The following ANK2 variants were observed in gnomAD, a reference collection of about 807,000 sequenced individuals.
The protein encoded by ANK2 is ankyrin 2.
In ANK2, 83 loss-of-function variants were observed where a neutral mutation model predicts 360.5. The observed-to-expected ratio is 0.23, with a 90% CI of 0.19 to 0.28. The LOEUF (loss-of-function observed/expected upper bound fraction) is 0.28. ANK2 is among the 10% of genes least tolerant of loss of function. ANK2 has a pLI of 1.00. For synonymous variants in ANK2, 1,740 were observed against 1,759.5 expected (o/e 0.99, Z 0.28); for missense variants, 4,201 against 4,795.7 (o/e 0.88, Z 3.66).
the ANK2 span, among the ~76,000 whole-genome samples, chr4:112,723,404 C>T: frequency 1.3e-5 from 2 of 152,116 alleles, no homozygotes; most frequent in African/African-American, 4.8e-5. Flanking sequence ...CACTCTGTCA[C>T]CCAGGCTGGA....
chr4:112,977,528 A>G (rs2041822057), intron 2 of ANK2, among the ~76,000 whole-genome samples: 2 of 151,852 alleles, frequency 1.3e-5, no homozygotes, highest in South Asian at 2.1e-4. Context: ...TTTAATAACC[A>G]TGAATAAATA....
At chr4:112,980,847 T>A (rs1268308351) in intron 2 of ANK2, among the ~76,000 whole-genome samples, 1 of 152,244 alleles carries the variant, frequency 6.6e-6, no homozygotes, top group Non-Finnish European at 1.5e-5. Flanking sequence ...GTAATGTTCA[T>A]GTGTCAGAAG....
At chr4:112,732,772 A>G in the ANK2 span, among the ~76,000 whole-genome samples, 5 of 152,180 alleles carry the variant, frequency 3.3e-5, no homozygotes, top group African/African-American at 9.6e-5. Context: ...GCATGAATCT[A>G]TGCTTCTAAA....
At chr4:112,983,886 G>A (rs527413255) in intron 2 of ANK2, among the ~76,000 whole-genome samples, 2 of 152,228 alleles carry the variant, frequency 1.3e-5, no homozygotes, top group African/African-American at 4.8e-5. Context: ...AGGAATTTTA[G>A]ATACTTTGGG....
chr4:112,923,570 A>G (rs1443746688), intron 2 of ANK2, among the ~76,000 whole-genome samples: 3 of 152,170 alleles, frequency 2.0e-5, no homozygotes, highest in Admixed American at 6.5e-5. Flanking sequence ...TTTTGCAAAT[A>G]TGAATTAGAT....
At chr4:113,181,842 A>G (rs1263638577) in intron 2 of ANK2, among the ~76,000 whole-genome samples, 2 of 152,150 alleles carry the variant, frequency 1.3e-5, no homozygotes, top group Non-Finnish European at 2.9e-5. Flanking sequence ...GAGGTTGGGG[A>G]GAGCAGAAAG....
intron 2 of ANK2, among the ~76,000 whole-genome samples, chr4:112,987,608 C>T (rs1578409781): frequency 6.6e-6 from 1 of 152,030 alleles, no homozygotes; most frequent in Non-Finnish European, 1.5e-5. Flanking sequence ...AGGTCATACC[C>T]ACCAACAGGA....
chr4:113,145,840 C>T, intron 1 of ANK2: 2 of 1,288,874 alleles, frequency 1.6e-6, no homozygotes, highest in Non-Finnish European at 2.0e-6. Flanking sequence ...AAGGACGGGC[C>T]CACTGACAGC....
chr4:112,802,603 T>G, the ANK2 span, among the ~76,000 whole-genome samples: 3 of 152,230 alleles, frequency 2.0e-5, no homozygotes, highest in Non-Finnish European at 4.4e-5. Context: ...AACCTTATAT[T>G]GCTATGCTGT....
At chr4:112,862,125 G>A (rs2068295203) in intron 1 of ANK2, among the ~76,000 whole-genome samples, 3 of 152,138 alleles carry the variant, frequency 2.0e-5, no homozygotes, top group Admixed American at 2.0e-4. Flanking sequence ...AATAAAGGAT[G>A]TTAAAGAAAG....
chr4:112,853,187 G>A (rs558417981), intron 1 of ANK2, among the ~76,000 whole-genome samples: 2 of 151,978 alleles, frequency 1.3e-5, no homozygotes, highest in African/African-American at 2.4e-5. Flanking sequence ...TCCTGCCTCC[G>A]CCTCCCAAGT....
At chr4:112,761,252 C>T in the ANK2 span, among the ~76,000 whole-genome samples, 1 of 152,150 alleles carries the variant, frequency 6.6e-6, no homozygotes, top group Non-Finnish European at 1.5e-5. Context: ...GAATTAGAAA[C>T]TGTGCCATTT....
chr4:112,999,534 T>C lies in ANK2; in HGVS notation c.21+95020T>C, dbSNP rs2049863476. Among the ~76,000 whole-genome samples, 4 of 152,282 alleles carry C rather than the reference T, an allele frequency of 2.6e-5. No individual in the cohort carries two copies. The South Asian group carries it at 8.3e-4, about 32-fold the overall frequency. On this transcript the variant is annotated intron_variant, in intron 2 of 30. Transcript: ENST00000503271. The stretch of plus-strand genomic sequence containing the variant: ...AATTCCTGAAGTGTATATATACTTT[T>C]GAAATATTTTGTGCTTTTATAAGCT...
intron 26 of ANK2, among the ~76,000 whole-genome samples, chr4:113,320,873 C>G (rs1351002949): frequency 6.6e-6 from 1 of 152,152 alleles, no homozygotes; most frequent in Non-Finnish European, 1.5e-5. Context: ...TTTATTTCTT[C>G]CATTCACTTA....
intron 26 of ANK2, chr4:113,323,939 T>A (rs1428251927): frequency 1.6e-6 from 1 of 633,102 alleles, no homozygotes; most frequent in African/African-American, 1.9e-5. Flanking sequence ...GTTCTCCAAA[T>A]TGTGGCTATT....
chr4:112,734,603 G>A, the ANK2 span, among the ~76,000 whole-genome samples: 3 of 152,138 alleles, frequency 2.0e-5, no homozygotes, highest in African/African-American at 7.2e-5. Flanking sequence ...GTTCCTCATC[G>A]TTTTTCTTTC....
intron 4 of ANK2, among the ~76,000 whole-genome samples, chr4:113,218,671 T>A (rs1372903042): frequency 6.6e-6 from 1 of 152,166 alleles, no homozygotes; most frequent in Non-Finnish European, 1.5e-5. Context: ...TGTTTTGATG[T>A]TAGGTGTGTT....
the ANK2 span, among the ~76,000 whole-genome samples, chr4:112,776,509 G>A: frequency 6.6e-6 from 1 of 152,202 alleles, no homozygotes; most frequent in African/African-American, 2.4e-5. Context: ...GGAGTAGGGA[G>A]CACATCTTCC....
intron 1 of ANK2, among the ~76,000 whole-genome samples, chr4:113,080,238 G>C (rs1334041282): frequency 3.3e-5 from 5 of 152,138 alleles, no homozygotes; most frequent in Non-Finnish European, 7.4e-5. Context: ...GGAGGATGCA[G>C]TTCTTAGTAA....
Sources: allele counts gnomAD v4.1 joint callset (sites outside exome capture counted in the v4.1 genomes callset), GRCh38; gene constraint gnomAD v4.1.1; transcripts MANE v1.5; gene names NCBI Gene and HGNC (gene_info 2026-07-23, HGNC 2026-07-21).